Variants in PCP4L1 observed in about 807,000 individuals in gnomAD.
PCP4L1 encodes Purkinje cell protein 4 like 1.
In PCP4L1, 9 loss-of-function variants were observed where a neutral mutation model predicts 9.6. The ratio of observed to expected loss-of-function variants is 0.94; its 90% CI spans 0.57 to 1.64. The LOEUF (loss-of-function observed/expected upper bound fraction) is 1.64. Ranked by LOEUF, PCP4L1 falls within the 40% of genes most tolerant of loss-of-function variation. The pLI, the probability that PCP4L1 is intolerant of heterozygous loss-of-function variation, is 0.00. For synonymous variants in PCP4L1, 31 were observed against 28.2 expected, an observed-to-expected ratio of 1.10 and a Z score of -0.31; for missense variants, 81 against 80.8, an observed-to-expected ratio of 1.00 and a Z score of -0.01.
chr1:161,264,300 C>T (rs1171617915), intron 1 of PCP4L1, among the ~76,000 whole-genome samples: 4 of 151,640 alleles, frequency 2.6e-5, no homozygotes, highest in East Asian at 2.0e-4. Context: ...AGGTGGATAA[C>T]GAGGTCAGGA....
intron 1 of PCP4L1, among the ~76,000 whole-genome samples, chr1:161,269,715 T>G (rs1669590634): frequency 6.6e-6 from 1 of 152,096 alleles, no homozygotes; most frequent in Non-Finnish European, 1.5e-5. Context: ...TTAAGGATTT[T>G]GGGCTGAGTG....
chr1:161,259,699 C>G (rs1669386199), intron 1 of PCP4L1, among the ~76,000 whole-genome samples: 1 of 152,192 alleles, frequency 6.6e-6, no homozygotes, highest in Non-Finnish European at 1.5e-5. Context: ...GGGGTCAAAG[C>G]AGAGACTTTG....
At chr1:161,276,682 A>T (rs1450207675) in intron 1 of PCP4L1, among the ~76,000 whole-genome samples, 1 of 39,556 alleles carries the variant, frequency 2.5e-5, no homozygotes, top group Non-Finnish European at 4.5e-5. Context: ...CTTATCTCTT[A>T]AAAAAAAAAA....
chr1:161,266,068 C>T (rs1669524601), intron 1 of PCP4L1, among the ~76,000 whole-genome samples: 2 of 152,100 alleles, frequency 1.3e-5, no homozygotes, highest in South Asian at 2.1e-4. Context: ...AGATCTGCAT[C>T]CCTGAAAGGT....
chr1:161,270,425 T>C (rs1004833829), intron 1 of PCP4L1, among the ~76,000 whole-genome samples: 4 of 152,064 alleles, frequency 2.6e-5, no homozygotes, highest in Non-Finnish European at 5.9e-5. Context: ...GTCTGAATGT[T>C]TGTGTACCCC....
At chr1:161,262,967 GAT>G (rs1669445314) in intron 1 of PCP4L1, among the ~76,000 whole-genome samples, 1 of 152,136 alleles carries the variant, frequency 6.6e-6, no homozygotes, top group African/African-American at 2.4e-5. Flanking sequence ...AAAATAGAAA[GAT>G]ATATCTTTCA....
At chr1:161,276,547 G>C (rs1273821792) in intron 1 of PCP4L1, among the ~76,000 whole-genome samples, 1 of 152,060 alleles carries the variant, frequency 6.6e-6, no homozygotes, top group East Asian at 1.9e-4. Context: ...CCCAGGTATA[G>C]TGGTGTGCCT....
Position 161,258,789 on chromosome 1 carries a change from G to C in PCP4L1, c.-186G>C. The C allele has an allele frequency of 1.1e-6, 1 of 945,400 alleles. No individual in the cohort carries two copies. Among genetic ancestry groups the C allele is most frequent in the South Asian group, 1.5e-5 (1 of 65,758 alleles). 58.6% of individuals were successfully genotyped at this position (945,400 alleles called of 1,614,324 possible). A position where few individuals can be genotyped will look rare whatever the true frequency, so the allele number is the denominator to read the frequency against. ...GGTCGCAGGGGGTCGCCTGGCCGGA[G>C]CTGGGCTCCGAGAATCCCGGGTGCC... On this transcript the variant is annotated 5_prime_UTR_variant, in exon 1 of 3. Coordinates refer to ENST00000504449, the MANE Select transcript of PCP4L1 (RefSeq NM_001102566.2).
rs113138341 is a variant in PCP4L1 at position 161,261,562 on chromosome 1, G to A, written c.9+2579G>A. Among the ~76,000 whole-genome samples, 339 of 152,372 alleles carry A rather than the reference G, an allele frequency of 2.2e-3. 1 individual carries two copies. The highest frequency in any genetic ancestry group is 7.7e-3 in the African/African-American group (320 of 41,592). ...CCTAGTTTCAGTGAAGGATGGGAAT[G>A]AGAGATGTGTTCAGTCCCTGAGGGC... On this transcript the variant is annotated intron_variant, in intron 1 of 2. Coordinates refer to ENST00000504449, the MANE Select transcript of PCP4L1 (RefSeq NM_001102566.2).
At chr1:161,265,099 A>T (rs1311175005) in intron 1 of PCP4L1, among the ~76,000 whole-genome samples, 3 of 152,168 alleles carry the variant, frequency 2.0e-5, no homozygotes, top group African/African-American at 7.2e-5. Context: ...TTCAATGTTC[A>T]TCATTGATTC....
At chr1:161,263,294 A>C (rs1260769838) in intron 1 of PCP4L1, among the ~76,000 whole-genome samples, 2 of 151,992 alleles carry the variant, frequency 1.3e-5, no homozygotes, top group Admixed American at 1.3e-4. Flanking sequence ...GCTGGAGTGC[A>C]ATGGTGAATC....
At chr1:161,259,060 G>T in intron 1 of PCP4L1, 77 bp downstream of exon 1, 1 of 1,507,470 alleles carries the variant, frequency 6.6e-7, no homozygotes, top group South Asian at 1.2e-5. Flanking sequence ...CCAGGGAGGC[G>T]AGGGAGAGCG....
At position 161,258,779 on chromosome 1, in the gene PCP4L1, C is replaced by T. The variant is rs936854505; in HGVS notation, c.-196C>T. 5 of 859,140 alleles carry T rather than the reference C, an allele frequency of 5.8e-6. No individual in the cohort carries two copies. The highest frequency in any genetic ancestry group is 4.6e-5 in the Admixed American group (2 of 43,328). The allele number at this position is 859,140 out of a possible 1,614,324, so 53.2% of individuals were successfully genotyped here. On this transcript the variant is annotated 5_prime_UTR_variant, in exon 1 of 3. Transcript: ENST00000504449. ...TGACAGGACGGGTCGCAGGGGGTCG[C>T]CTGGCCGGAGCTGGGCTCCGAGAAT...
chr1:161,276,160 T>C (rs1464859365), intron 1 of PCP4L1, among the ~76,000 whole-genome samples: 5 of 152,144 alleles, frequency 3.3e-5, no homozygotes, highest in Non-Finnish European at 4.4e-5. Context: ...AGGTGTCACC[T>C]CAGTAACTAT....
intron 1 of PCP4L1, among the ~76,000 whole-genome samples, chr1:161,282,521 C>G (rs1054008950): frequency 2.6e-5 from 4 of 152,056 alleles, no homozygotes; most frequent in Non-Finnish European, 5.9e-5. Flanking sequence ...CTTGGTGATC[C>G]CATTCAGTCT....
intron 1 of PCP4L1, among the ~76,000 whole-genome samples, chr1:161,260,516 A>G (rs1460696949): frequency 2.0e-5 from 3 of 152,208 alleles, no homozygotes; most frequent in African/African-American, 4.8e-5. Flanking sequence ...GTTGTAATCC[A>G]AGCCATCCCC....
chr1:161,283,527 T>C, intron 1 of PCP4L1, 141 bp from the exon 2 acceptor site: 2 of 713,104 alleles, frequency 2.8e-6, no homozygotes, highest in Non-Finnish European at 4.6e-6. Context: ...TGGTCTCTGA[T>C]CTCAAGACTT....
At chr1:161,271,990 A>G (rs190316572) in intron 1 of PCP4L1, among the ~76,000 whole-genome samples, 2 of 139,442 alleles carry the variant, frequency 1.4e-5, no homozygotes, top group Non-Finnish European at 3.1e-5. Context: ...TTTTTTTTTT[A>G]GTGGAGACAA....
At chr1:161,283,747 T>G (rs1281221992) in intron 2 of PCP4L1, 25 bp downstream of exon 2, 1 of 1,594,208 alleles carries the variant, frequency 6.3e-7, no homozygotes, top group African/African-American at 1.3e-5. Context: ...GCTAGGCAGT[T>G]TGTAGAGCAG....
Sources: gnomAD v4.1 joint callset for allele counts (sites outside exome capture counted in the v4.1 genomes callset) on GRCh38, gnomAD v4.1.1 for gene constraint, MANE v1.5 for transcripts, NCBI Gene and HGNC (gene_info 2026-07-23, HGNC 2026-07-21) for gene names.